ESRRA: variants seen among roughly 807,000 people sequenced by gnomAD.
ESRRA encodes the protein steroid hormone receptor ERR1.
Under a neutral mutation model 35.6 loss-of-function variants are expected in ESRRA, and 7 were observed. That is an observed-to-expected ratio of 0.20 (90% CI 0.11 to 0.37). ESRRA has a LOEUF of 0.37. Among genes scored for constraint, ESRRA ranks in the 10% least tolerant of loss-of-function variants. The pLI is 1.00. For missense variants in ESRRA, 378 were observed against 561.7 expected, an observed-to-expected ratio of 0.67 and a Z score of 3.31; for synonymous variants, 223 against 246.9, an observed-to-expected ratio of 0.90 and a Z score of 0.91.
Position 64,316,644 on chromosome 11 carries a change from G to A in ESRRA, c.*678G>A. The A allele has an allele frequency of 7.2e-6, 4 of 555,534 alleles. No homozygotes were observed. Among genetic ancestry groups the A allele is most frequent in the Admixed American group, 3.2e-5 (1 of 31,424 alleles). The allele number at this position is 555,534 out of a possible 1,614,324, so 34.4% of individuals were successfully genotyped here. ...AAGCCAGGGCCCAGAGCCCTTGGCTGTACAGAGACTCTATTTTAATGTATA... is the reference window on the plus strand; with the variant it reads ...AAGCCAGGGCCCAGAGCCCTTGGCTATACAGAGACTCTATTTTAATGTATA... On this transcript the variant is annotated 3_prime_UTR_variant, in exon 7 of 7. Transcript: ENST00000000442.
intron 3 of ESRRA, 85 bp from the exon 4 acceptor site, chr11:64,314,154 G>A (rs1301168820): frequency 6.4e-7 from 1 of 1,555,952 alleles, no homozygotes; most frequent in Non-Finnish European, 8.7e-7. Context: ...TCTGGTGAGT[G>A]GACTCGGGGA....
intron 2 of ESRRA, among the ~76,000 whole-genome samples, chr11:64,308,591 C>T (rs1356881838): frequency 2.0e-5 from 3 of 147,220 alleles, no homozygotes; most frequent in Admixed American, 6.9e-5. Context: ...CCGAGGCGGG[C>T]GGATCATGAG....
chr11:64,316,157 C>A lies in ESRRA; in HGVS notation c.*191C>A. The A allele has an allele frequency of 1.5e-6, 1 of 646,726 alleles. No individual in the cohort carries two copies. Among genetic ancestry groups the A allele is most frequent in the Non-Finnish European group, 2.6e-6 (1 of 384,090 alleles). 40.1% of individuals were successfully genotyped at this position (646,726 alleles called of 1,614,324 possible). A position where few individuals can be genotyped will look rare whatever the true frequency, so the allele number is the denominator to read the frequency against. On this transcript the variant is annotated 3_prime_UTR_variant, in exon 7 of 7. Coordinates refer to ENST00000000442, the MANE Select transcript of ESRRA (RefSeq NM_004451.5). ...CCTAGGGGGTGTCAGAAGCTGGGAA[C>A]GTGTGTCCAGGCTCTGGGCACAGTG...
chr11:64,314,842 G>A lies in ESRRA; in HGVS notation c.673G>A (p.Val225Met), dbSNP rs930368901. The change falls in exon 5 of 7, where the codon GTG becomes ATG. Residue 225 changes from valine (V) to methionine (M), a missense_variant. Physicochemically the swap from Val to Met is conservative, Grantham distance 21. Around this residue, in one of 4 missense-constraint regions of ESRRA, gnomAD observed 284 missense variants for 411.7 expected, o/e 0.69. Coordinates refer to ENST00000000442, the MANE Select transcript of ESRRA (RefSeq NM_004451.5). ...PAGPDGHLPAVATLCDLFDRE... is the reference protein window; with the variant it reads ...PAGPDGHLPAMATLCDLFDRE... Reference sequence around the variant, plus strand: ...AGGCCCTGATGGGCACCTCCCAGCCGTGGCTACCCTCTGTGACCTCTTTGA... The same window carrying A: ...AGGCCCTGATGGGCACCTCCCAGCCATGGCTACCCTCTGTGACCTCTTTGA... 50 of 1,612,224 alleles carry A rather than the reference G, an allele frequency of 3.1e-5. No homozygotes were observed. Among genetic ancestry groups the A allele is most frequent in the South Asian group, 2.1e-4 (19 of 91,040 alleles).
intron 2 of ESRRA, among the ~76,000 whole-genome samples, chr11:64,311,438 C>T (rs1448646758): frequency 2.1e-5 from 3 of 145,204 alleles, no homozygotes; most frequent in African/African-American, 5.1e-5. Flanking sequence ...TTTTTTGAGA[C>T]GGAGTCTCGC....
intron 4 of ESRRA, 61 bp from the exon 5 acceptor site, chr11:64,314,679 GC>G: frequency 6.6e-7 from 1 of 1,520,352 alleles, no homozygotes. Flanking sequence ...GTGGGAAGAT[GC>G]TTGACCCCTG....
In ESRRA at chr11:64,315,273, G is replaced by A; in HGVS notation, c.1012+3G>A. On this transcript the variant is annotated splice_donor_region_variant and intron_variant, in intron 6 of 6. Transcript: ENST00000000442. ...GGCCTTGGCCCTTGCCAATTCAGGT[G>A]AGTCTGGGGCAGGCACTGACAGGTG... The A allele has an allele frequency of 5.2e-6, 8 of 1,553,320 alleles. No individual in the cohort carries two copies. Among genetic ancestry groups the A allele is most frequent in the Non-Finnish European group, 7.0e-6 (8 of 1,146,304 alleles).
At position 64,314,790 on chromosome 11, in the gene ESRRA, G is replaced by A. The variant is rs1237951000; in HGVS notation, c.621G>A (p.Glu207=). The change falls in exon 5 of 7, where the codon GAG becomes GAA. Residue 207 remains glutamate (E), a synonymous_variant. Transcript: ENST00000000442. ...LVSHLLVVEP[E]KLYAMPDPAG... is the part of the protein sequence containing the mutation. The stretch of plus-strand genomic sequence containing the variant: ...CTCATCTGCTGGTGGTTGAGCCTGA[G>A]AAGCTCTATGCCATGCCTGACCCCG... The A allele has an allele frequency of 1.2e-6, 2 of 1,612,224 alleles. No homozygotes were observed. The highest frequency in any genetic ancestry group is 1.7e-6 in the Non-Finnish European group (2 of 1,180,044).
intron 1 of ESRRA, 116 bp from the exon 2 acceptor site, chr11:64,307,052 A>G: frequency 1.3e-6 from 1 of 783,002 alleles, no homozygotes; most frequent in Non-Finnish European, 2.0e-6. Flanking sequence ...CTTCTTCCCC[A>G]CTTGCTGGGC....
At chr11:64,314,125 G>T (rs753225267) in intron 3 of ESRRA, 58 bp downstream of exon 3, 6 of 1,549,994 alleles carry the variant, frequency 3.9e-6, no homozygotes, top group Middle Eastern at 2.1e-4. Context: ...CGGGCCAGGT[G>T]GGGGTGAGGC....
chr11:64,312,371 C>A (rs2035157806), intron 2 of ESRRA, among the ~76,000 whole-genome samples: 1 of 151,954 alleles, frequency 6.6e-6, no homozygotes, highest in African/African-American at 2.4e-5. Flanking sequence ...AACTTCTGAC[C>A]TCAGGTGATC....
At chr11:64,315,682 A>C in intron 6 of ESRRA, 25 bp from the exon 7 acceptor site, 2 of 1,611,914 alleles carry the variant, frequency 1.2e-6, no homozygotes, top group Non-Finnish European at 8.5e-7. Context: ...GCCCAGGCCA[A>C]CACCACATTC....
At chr11:64,307,980 C>T (rs1402735126) in intron 2 of ESRRA, among the ~76,000 whole-genome samples, 1 of 152,022 alleles carries the variant, frequency 6.6e-6, no homozygotes, top group Non-Finnish European at 1.5e-5. Flanking sequence ...GCAACCTTTG[C>T]CCCTGGGTTC....
At chr11:64,307,545 C>A in intron 2 of ESRRA, 41 bp downstream of exon 2, 1 of 1,428,732 alleles carries the variant, frequency 7.0e-7, no homozygotes, top group East Asian at 2.5e-5. Flanking sequence ...GCCCTGCACC[C>A]TCTGGGTACA....
At chr11:64,309,634 TAAAAAAA>T (rs575246508) in intron 2 of ESRRA, among the ~76,000 whole-genome samples, 8 of 124,634 alleles carry the variant, frequency 6.4e-5, no homozygotes, top group Non-Finnish European at 1.2e-4. Flanking sequence ...CACGTATAAT[TAAAAAAA>T]AAAAAAAAAA....
rs2035020646 is a variant in ESRRA, at chr11:64,305,842, C to A, written c.-13+106C>A. The A allele has an allele frequency of 6.6e-6, 1 of 151,740 alleles. No individual in the cohort carries two copies. The highest frequency in any genetic ancestry group is 1.5e-5 in the Non-Finnish European group (1 of 67,638). 9.4% of individuals were successfully genotyped at this position (151,740 alleles called of 1,614,324 possible). A position where few individuals can be genotyped will look rare whatever the true frequency, so the allele number is the denominator to read the frequency against. On this transcript the variant is annotated intron_variant, in intron 1 of 6. Coordinates refer to ENST00000000442, the MANE Select transcript of ESRRA (RefSeq NM_004451.5). This position sits in a 1 kb window ranked among gnomAD's most constrained non-coding sequence, Gnocchi z 5.8. Reference sequence around the variant, plus strand: ...GGCGGGGCGGGCTGCAGGCGGGGTCCGACTCTGGGGCCAGTCCGGGCCACG... The same window carrying A: ...GGCGGGGCGGGCTGCAGGCGGGGTCAGACTCTGGGGCCAGTCCGGGCCACG...
At chr11:64,310,794 C>G (rs550121121) in intron 2 of ESRRA, among the ~76,000 whole-genome samples, 1 of 151,716 alleles carries the variant, frequency 6.6e-6, no homozygotes, top group East Asian at 2.0e-4. Flanking sequence ...GCGATCTGCC[C>G]TCCTCGGGCT....
intron 2 of ESRRA, among the ~76,000 whole-genome samples, chr11:64,310,536 GTTTTTTTTTTT>G (rs1185768710): frequency 6.0e-5 from 6 of 100,496 alleles, no homozygotes; most frequent in Middle Eastern, 0.013. Flanking sequence ...TCCTGGCCAG[GTTTTTTTTTTT>G]TTTTTTTTTT....
chr11:64,314,107 C>T lies in ESRRA; in HGVS notation c.442+40C>T, dbSNP rs771590469. On this transcript the variant is annotated intron_variant, in intron 3 of 6. Transcript: ENST00000000442. ...GGGGCTGGGCGAGGGCTGGGGGAGT[C>T]GGGGACCCGGGCCAGGTGGGGGTGA... The T allele has an allele frequency of 9.7e-6, 15 of 1,552,550 alleles. No individual in the cohort carries two copies. In the East Asian group the frequency reaches 1.9e-4, roughly 19 times the overall value.
Sources: allele counts gnomAD v4.1 joint callset (sites outside exome capture counted in the v4.1 genomes callset), GRCh38; gene constraint gnomAD v4.1.1; regional missense constraint gnomAD v4.1.1; non-coding constraint Gnocchi (gnomAD v3.1); transcripts MANE v1.5; gene names NCBI Gene and HGNC (gene_info 2026-07-23, HGNC 2026-07-21).